The following TRERF1 variants were observed in gnomAD, a reference collection of about 807,000 sequenced individuals.
TRERF1 encodes transcriptional regulating factor 1.
A neutral mutation model predicts 122.9 loss-of-function variants in TRERF1; 27 were observed. The observed-to-expected ratio is 0.22, with a 90% confidence interval of 0.16 to 0.30. The LOEUF is 0.30. Ranked by LOEUF, TRERF1 falls within the 10% of genes least tolerant of loss-of-function variation. TRERF1 has a pLI of 1.00. For missense variants in TRERF1, 1,248 were observed against 1,560.3 expected (o/e 0.80, Z 3.37); for synonymous variants, 636 against 641.7 (o/e 0.99, Z 0.13).
At chr6:42,257,170 T>A in intron 10 of TRERF1, 68 bp from the exon 11 acceptor site, 3 of 1,563,254 alleles carry the variant, frequency 1.9e-6, no homozygotes, top group Non-Finnish European at 2.6e-6. Context: ...AGGGCAACTG[T>A]CAGGAACTTG....
chr6:42,444,712 AC>A (rs1787158688), intron 2 of TRERF1, among the ~76,000 whole-genome samples: 2 of 151,314 alleles, frequency 1.3e-5, no homozygotes, highest in Non-Finnish European at 2.9e-5. Flanking sequence ...TTGATCAGTC[AC>A]TCCCTCTCCA....
intron 3 of TRERF1, among the ~76,000 whole-genome samples, chr6:42,308,170 T>C (rs1787617515): frequency 6.6e-6 from 1 of 152,184 alleles, no homozygotes; most frequent in South Asian, 2.1e-4. Flanking sequence ...TGCACACAAA[T>C]GTTCCTAGAA....
intron 2 of TRERF1, among the ~76,000 whole-genome samples, chr6:42,413,257 G>A (rs572956197): frequency 6.6e-6 from 1 of 152,022 alleles, no homozygotes; most frequent in African/African-American, 2.4e-5. Flanking sequence ...TTCAATACTG[G>A]ATACTTGGGT....
chr6:42,300,035 CAAA>C (rs1785881767), intron 4 of TRERF1, among the ~76,000 whole-genome samples: 1 of 152,006 alleles, frequency 6.6e-6, no homozygotes, highest in South Asian at 2.1e-4. Context: ...GAATTTATAC[CAAA>C]AAAAGAAAGA....
intron 2 of TRERF1, among the ~76,000 whole-genome samples, chr6:42,415,540 C>T (rs1417768651): frequency 6.6e-6 from 1 of 152,126 alleles, no homozygotes; most frequent in East Asian, 1.9e-4. Context: ...GTTTGATAGG[C>T]TTATTCTGGT....
chr6:42,393,000 G>A (rs1215828702), intron 2 of TRERF1, among the ~76,000 whole-genome samples: 7 of 151,460 alleles, frequency 4.6e-5, no homozygotes, highest in East Asian at 1.9e-4. Flanking sequence ...CCACTATGGC[G>A]TTTCAAGCTG....
In TRERF1 at chr6:42,380,334, T is replaced by G. The variant is rs533754546; in HGVS notation, c.-453-17255A>C. Among the ~76,000 whole-genome samples the G allele has an allele frequency of 4.6e-5, 7 of 152,242 alleles. No individual in the cohort carries two copies. The East Asian group carries it at 1.2e-3, about 25-fold the overall frequency. ...GCAGGGCTCTGAGCCAGGGAACAAC[T>G]GACCTGACCAAGCCTTAACAGGACT... On this transcript the variant is annotated intron_variant, in intron 2 of 17. Transcript: ENST00000372922.
intron 3 of TRERF1, among the ~76,000 whole-genome samples, chr6:42,305,046 G>T (rs566665971): frequency 6.6e-6 from 1 of 152,168 alleles, no homozygotes; most frequent in African/African-American, 2.4e-5. Flanking sequence ...GACCAGGCAC[G>T]TTGCTAGGAC....
intron 13 of TRERF1, among the ~76,000 whole-genome samples, chr6:42,253,638 C>G (rs1020857772): frequency 6.6e-6 from 1 of 152,126 alleles, no homozygotes; most frequent in Non-Finnish European, 1.5e-5. Context: ...CTGTATTGGC[C>G]TAGTTCCAGG....
chr6:42,392,250 AAGC>A (rs1777875049), intron 2 of TRERF1, among the ~76,000 whole-genome samples: 1 of 152,184 alleles, frequency 6.6e-6, no homozygotes, highest in African/African-American at 2.4e-5. Context: ...GTGAATGAAT[AAGC>A]AGTTGATCCT....
chr6:42,328,252 G>C (rs1764648171), intron 3 of TRERF1, among the ~76,000 whole-genome samples: 1 of 151,808 alleles, frequency 6.6e-6, no homozygotes, highest in Non-Finnish European at 1.5e-5. Context: ...CAGGTGATCT[G>C]CCCGCCTCCG....
chr6:42,231,243 T>C (rs758768948), intron 17 of TRERF1, among the ~76,000 whole-genome samples: 2 of 152,202 alleles, frequency 1.3e-5, no homozygotes, highest in Non-Finnish European at 2.9e-5. Context: ...TGGGATGACT[T>C]AGCAAGAAGG....
chr6:42,304,458 A>AC (rs1561949947), intron 3 of TRERF1, among the ~76,000 whole-genome samples: 1 of 152,192 alleles, frequency 6.6e-6, no homozygotes, highest in Non-Finnish European at 1.5e-5. Context: ...TGTTGCTAGC[A>AC]CTATACCCAG....
At chr6:42,301,377 C>A (rs748271134) in intron 3 of TRERF1, among the ~76,000 whole-genome samples, 1 of 151,982 alleles carries the variant, frequency 6.6e-6, no homozygotes, top group Admixed American at 6.6e-5. Flanking sequence ...TTATAGGTGC[C>A]CACCACCACA....
intron 2 of TRERF1, among the ~76,000 whole-genome samples, chr6:42,450,123 C>T (rs1788201377): frequency 6.6e-6 from 1 of 152,228 alleles, no homozygotes. Flanking sequence ...GCAAAGGCTG[C>T]TGGTTAACTA....
At chr6:42,317,808 T>C (rs1762738847) in intron 3 of TRERF1, among the ~76,000 whole-genome samples, 1 of 152,162 alleles carries the variant, frequency 6.6e-6, no homozygotes, top group Admixed American at 6.5e-5. Context: ...TGAGATTATA[T>C]TGTATACATA....
At chr6:42,251,197 T>C (rs1775741157) in intron 13 of TRERF1, among the ~76,000 whole-genome samples, 1 of 152,072 alleles carries the variant, frequency 6.6e-6, no homozygotes, top group African/African-American at 2.4e-5. Context: ...GGTTTCACCA[T>C]GTTTTCCAGG....
intron 2 of TRERF1, among the ~76,000 whole-genome samples, chr6:42,374,431 G>A (rs1774437833): frequency 6.6e-6 from 1 of 152,194 alleles, no homozygotes; most frequent in South Asian, 2.1e-4. Flanking sequence ...CATCCCTGGG[G>A]CTCCTTCCTT....
In TRERF1 at chr6:42,232,919, A is replaced by C; in HGVS notation, c.3067-27T>G. On this transcript the variant is annotated intron_variant, in intron 16 of 17. Transcript: ENST00000372922. The surrounding 1 kb of genome is among the most constrained non-coding windows in gnomAD (Gnocchi z 4.5). ...TGGGGAAGAAAGGGAGTGACATGAC[A>C]TCTACAGTCCTGAAAAGGAAATTAG... The C allele has an allele frequency of 6.4e-7, 1 of 1,564,098 alleles. No individual in the cohort carries two copies. Among genetic ancestry groups the C allele is most frequent in the Non-Finnish European group, 8.7e-7 (1 of 1,151,582 alleles).
Sources: gnomAD v4.1 joint callset for allele counts (sites outside exome capture counted in the v4.1 genomes callset) on GRCh38, gnomAD v4.1.1 for gene constraint, Gnocchi (gnomAD v3.1) non-coding constraint, MANE v1.5 for transcripts, NCBI Gene and HGNC (gene_info 2026-07-23, HGNC 2026-07-21) for gene names.